Variants in ROBO2 observed in about 807,000 individuals in gnomAD.
The protein encoded by ROBO2 is roundabout guidance receptor 2, also known as roundabout homolog 2.
In ROBO2, 53 loss-of-function variants were observed where a neutral mutation model predicts 160.8. The observed-to-expected ratio is 0.33, with a 90% CI of 0.26 to 0.41. The LOEUF (loss-of-function observed/expected upper bound fraction) is 0.41, where lower values mean the gene tolerates loss of function less well. Among genes scored for constraint, ROBO2 ranks in the 10% least tolerant of loss-of-function variants. The pLI, the probability that ROBO2 is intolerant of heterozygous loss-of-function variation, is 1.00. For synonymous variants in ROBO2, 664 were observed against 611.7 expected, an observed-to-expected ratio of 1.09 and a Z score of -1.26; for missense variants, 1,577 against 1,722.4, an observed-to-expected ratio of 0.92 and a Z score of 1.49.
At chr3:76,958,354 T>C (rs1408724937) in intron 2 of ROBO2, among the ~76,000 whole-genome samples, 1 of 152,236 alleles carries the variant, frequency 6.6e-6, no homozygotes, top group East Asian at 1.9e-4. Flanking sequence ...GAACAGCCCC[T>C]GTTCAGAACA....
chr3:76,392,553 T>C (rs1443296839), intron 2 of ROBO2, among the ~76,000 whole-genome samples: 1 of 152,228 alleles, frequency 6.6e-6, no homozygotes, highest in Non-Finnish European at 1.5e-5. Flanking sequence ...TTAAGAAATC[T>C]GGTAAAATGT....
In ROBO2 at chr3:76,460,245, G is replaced by A. The variant is rs192083862; in HGVS notation, c.109+522643G>A. ...CAAAACTTAGCAGAAAAAAAAATAGGAAACCTGAAAAATCCCATAAATAGT... is the reference window on the plus strand; with the variant it reads ...CAAAACTTAGCAGAAAAAAAAATAGAAAACCTGAAAAATCCCATAAATAGT... On this transcript the variant is annotated intron_variant, in intron 2 of 26. Coordinates refer to the ROBO2 transcript ENST00000487694. 1.2e-3 allele frequency among the ~76,000 whole-genome samples: 178 copies of A among 151,838 alleles called. 2 individuals carry two copies. The highest frequency in any genetic ancestry group is 7.4e-3 in the Admixed American group (112 of 15,232).
chr3:77,120,818 G>A (rs962284050), intron 2 of ROBO2, among the ~76,000 whole-genome samples: 3 of 152,082 alleles, frequency 2.0e-5, no homozygotes, highest in Non-Finnish European at 4.4e-5. Context: ...ACAGGCATTG[G>A]TATTTTGAAA....
chr3:76,579,786 C>CAAAAAAAAAAA (rs5850267), intron 2 of ROBO2, among the ~76,000 whole-genome samples: 2 of 107,150 alleles, frequency 1.9e-5, no homozygotes, highest in African/African-American at 6.7e-5. Flanking sequence ...GGTTGAGTTA[C>CAAAAAAAAAAA]AAAAAAAAAA....
chr3:76,498,095 T>C (rs553628554), intron 2 of ROBO2, among the ~76,000 whole-genome samples: 9 of 152,348 alleles, frequency 5.9e-5, no homozygotes, highest in African/African-American at 2.2e-4. Context: ...CAGTGGTATG[T>C]TCAGTGTTGT....
At chr3:76,032,002 G>A (rs1576559844) in intron 2 of ROBO2, among the ~76,000 whole-genome samples, 1 of 151,888 alleles carries the variant, frequency 6.6e-6, no homozygotes, top group South Asian at 2.1e-4. Context: ...TTTTTTGGTT[G>A]GTAAGCTATT....
At chr3:77,094,120 A>T (rs2070720118) in intron 1 of ROBO2, among the ~76,000 whole-genome samples, 1 of 152,050 alleles carries the variant, frequency 6.6e-6, no homozygotes, top group Non-Finnish European at 1.5e-5. Context: ...TCCCATCCCC[A>T]TTGGCAGCAC....
intron 2 of ROBO2, among the ~76,000 whole-genome samples, chr3:76,215,410 G>GA (rs970914004): frequency 6.6e-6 from 1 of 151,698 alleles, no homozygotes; most frequent in African/African-American, 2.4e-5. Context: ...TAAAAACTTT[G>GA]AAAAAAAATT....
chr3:76,105,998 T>A (rs1438290387), intron 2 of ROBO2, among the ~76,000 whole-genome samples: 1 of 152,196 alleles, frequency 6.6e-6, no homozygotes, highest in Non-Finnish European at 1.5e-5. Flanking sequence ...GTTCTAGTAA[T>A]GTATACACCA....
At chr3:77,473,440 CTTTTTT>C (rs71104688) in intron 2 of ROBO2, among the ~76,000 whole-genome samples, 32 of 77,890 alleles carry the variant, frequency 4.1e-4, no homozygotes, top group African/African-American at 1.3e-3. Context: ...ACAAACTGCT[CTTTTTT>C]TTTTTTTTTT....
At chr3:75,949,762 A>G (rs1265475401) in intron 2 of ROBO2, among the ~76,000 whole-genome samples, 2 of 42,384 alleles carry the variant, frequency 4.7e-5, no homozygotes, top group Non-Finnish European at 1.0e-4. Flanking sequence ...TACCAGAAAA[A>G]TAAATTCAGA....
intron 2 of ROBO2, among the ~76,000 whole-genome samples, chr3:76,140,299 A>G (rs1403034262): frequency 6.6e-6 from 1 of 152,088 alleles, no homozygotes; most frequent in East Asian, 1.9e-4. Context: ...CTTATAAATA[A>G]TATTGTCTAA....
intron 23 of ROBO2, 91 bp from the exon 25 acceptor site, chr3:77,634,779 T>G: frequency 8.3e-7 from 1 of 1,202,604 alleles, no homozygotes; most frequent in Non-Finnish European, 1.2e-6. Flanking sequence ...CTAGGTAGAT[T>G]TACAGGTTAG....
chr3:76,401,483 TG>T (rs1361833632), intron 2 of ROBO2, among the ~76,000 whole-genome samples: 2 of 151,518 alleles, frequency 1.3e-5, no homozygotes, highest in Non-Finnish European at 3.0e-5. Flanking sequence ...GTAACATAGA[TG>T]GGAAGCCTCT....
chr3:76,556,727 A>G (rs1413364562), intron 2 of ROBO2, among the ~76,000 whole-genome samples: 1 of 152,152 alleles, frequency 6.6e-6, no homozygotes. Flanking sequence ...TACTTGTAGA[A>G]TATGTGTGTA....
chr3:76,238,752 A>T (rs2107505145), intron 2 of ROBO2, among the ~76,000 whole-genome samples: 1 of 151,940 alleles, frequency 6.6e-6, no homozygotes, highest in East Asian at 2.0e-4. Flanking sequence ...ACATGAGGAA[A>T]ACCACCTCCA....
intron 2 of ROBO2, among the ~76,000 whole-genome samples, chr3:76,934,290 T>G (rs2077542598): frequency 6.6e-6 from 1 of 152,196 alleles, no homozygotes; most frequent in South Asian, 2.1e-4. Flanking sequence ...CAGAAAATGT[T>G]TCTTTCAAAA....
At position 77,627,436 on chromosome 3, in the gene ROBO2, C is replaced by T. The variant is rs114131401; in HGVS notation, c.3760+5004C>T. On this transcript the variant is annotated intron_variant, in intron 23 of 25. Coordinates refer to ENST00000461745, the Ensembl canonical transcript of ROBO2. Reference sequence around the variant, plus strand: ...CTGGGATTGCAGGCTCGGGCCACCACGCTAAGCTATTTTTTTTTTTGTATT... The same window carrying T: ...CTGGGATTGCAGGCTCGGGCCACCATGCTAAGCTATTTTTTTTTTTGTATT... Among the ~76,000 whole-genome samples the T allele has an allele frequency of 4.6e-3, 697 of 151,948 alleles. 9 individuals carry two copies. Among genetic ancestry groups the T allele is most frequent in the African/African-American group, 0.016 (672 of 41,412 alleles).
intron 2 of ROBO2, among the ~76,000 whole-genome samples, chr3:77,474,644 G>A (rs1207192739): frequency 7.3e-6 from 1 of 136,684 alleles, no homozygotes; most frequent in Admixed American, 7.9e-5. Context: ...TAGGGTAGAG[G>A]ATTTAGGGGG....
Sources: allele counts gnomAD v4.1 joint callset (sites outside exome capture counted in the v4.1 genomes callset), GRCh38; gene constraint gnomAD v4.1.1; transcripts MANE v1.5; gene names NCBI Gene and HGNC (gene_info 2026-07-23, HGNC 2026-07-21).